Variants in LRP1B observed in about 807,000 individuals in gnomAD.
LRP1B encodes low-density lipoprotein receptor-related protein 1B.
LRP1B carries 217 observed loss-of-function variants against 556.6 expected under a neutral mutation model. The ratio of observed to expected loss-of-function variants is 0.39; its 90% CI spans 0.35 to 0.44. The LOEUF (loss-of-function observed/expected upper bound fraction) is 0.44, where lower values mean the gene tolerates loss of function less well. Ranked by LOEUF, LRP1B falls within the 20% of genes least tolerant of loss-of-function variation. The probability of loss-of-function intolerance (pLI) is 1.00; values close to 1 mark genes in which losing one functional copy is unlikely to be tolerated. For synonymous variants in LRP1B, 2,047 were observed against 1,865.8 expected (o/e 1.10, Z -2.50); for missense variants, 5,053 against 5,620.8 (o/e 0.90, Z 3.23).
At chr2:140,547,307 A>C (rs901368288) in intron 43 of LRP1B, among the ~76,000 whole-genome samples, 1 of 151,940 alleles carries the variant, frequency 6.6e-6, no homozygotes, top group Non-Finnish European at 1.5e-5. Context: ...TTGGTGGGCT[A>C]TTTATTACTT....
chr2:140,774,321 A>T (rs555859592), intron 33 of LRP1B, among the ~76,000 whole-genome samples: 1 of 152,286 alleles, frequency 6.6e-6, no homozygotes, highest in Non-Finnish European at 1.5e-5. Flanking sequence ...TTCACAGAGC[A>T]TAGAACACCC....
chr2:141,713,812 T>C (rs978544171), intron 2 of LRP1B, among the ~76,000 whole-genome samples: 1 of 152,212 alleles, frequency 6.6e-6, no homozygotes, highest in Non-Finnish European at 1.5e-5. Context: ...TTACCTCAAG[T>C]ATTTGTTTCA....
intron 31 of LRP1B, among the ~76,000 whole-genome samples, chr2:140,818,164 CAG>C (rs1406587828): frequency 2.0e-5 from 3 of 152,030 alleles, no homozygotes; most frequent in East Asian, 1.9e-4. Flanking sequence ...CTTTTGGAGA[CAG>C]GGGAATGGTA....
intron 2 of LRP1B, among the ~76,000 whole-genome samples, chr2:141,588,156 T>C (rs1687205988): frequency 6.6e-6 from 1 of 152,228 alleles, no homozygotes; most frequent in Admixed American, 6.5e-5. Context: ...ATATATACTC[T>C]TGTCCAAACA....
chr2:140,549,784 G>A lies in LRP1B; in HGVS notation c.7195-7813C>T, dbSNP rs541091626. 3.1e-4 allele frequency among the ~76,000 whole-genome samples: 47 copies of A among 152,124 alleles called. No homozygotes were observed. In the South Asian group the frequency reaches 9.1e-3, roughly 30 times the overall value. The stretch of plus-strand genomic sequence containing the variant: ...CAAATTCACACAGAGATCATGGGGA[G>A]ATGGTGGCGGCCTTGCATTAGCTCT... On this transcript the variant is annotated intron_variant, in intron 43 of 90. Transcript: ENST00000389484.
chr2:141,992,348 G>A (rs188718577), intron 1 of LRP1B, among the ~76,000 whole-genome samples: 2 of 152,180 alleles, frequency 1.3e-5, no homozygotes, highest in Admixed American at 1.3e-4. Flanking sequence ...ACTTAATGAA[G>A]AGGAAAGCAA....
intron 7 of LRP1B, among the ~76,000 whole-genome samples, chr2:141,088,904 C>G (rs747187474): frequency 1.3e-5 from 2 of 151,978 alleles, no homozygotes; most frequent in African/African-American, 2.4e-5. Flanking sequence ...GATGCATAGC[C>G]CTCTGAGATA....
chr2:140,862,122 TTAAA>T (rs779170455), intron 27 of LRP1B, among the ~76,000 whole-genome samples: 1 of 152,200 alleles, frequency 6.6e-6, no homozygotes, highest in Non-Finnish European at 1.5e-5. Context: ...CTTTTTAGCC[TTAAA>T]TATTCAACTG....
At chr2:140,323,859 C>A in intron 81 of LRP1B, 34 bp downstream of exon 81, 1 of 1,036,482 alleles carries the variant, frequency 9.6e-7, no homozygotes, top group Non-Finnish European at 1.4e-6. Context: ...AATAATTTAC[C>A]AATATAGACA....
At chr2:141,423,290 C>CCTTTTTTTT (rs1321976263) in intron 3 of LRP1B, among the ~76,000 whole-genome samples, 1 of 68,376 alleles carries the variant, frequency 1.5e-5, no homozygotes, top group African/African-American at 5.2e-5. Context: ...ACAGCCAGAG[C>CCTTTTTTTT]TTTTTTTTTT....
At chr2:141,330,784 G>A (rs1271469796) in intron 3 of LRP1B, among the ~76,000 whole-genome samples, 4 of 127,002 alleles carry the variant, frequency 3.1e-5, no homozygotes, top group Non-Finnish European at 4.7e-5. Flanking sequence ...ACAGAGTCTC[G>A]CTCCGTCGCC....
At chr2:140,299,688 G>A (rs985860779) in intron 83 of LRP1B, among the ~76,000 whole-genome samples, 1 of 152,008 alleles carries the variant, frequency 6.6e-6, no homozygotes, top group African/African-American at 2.4e-5. Flanking sequence ...AGTAAATGAA[G>A]AGGTTAATAA....
intron 2 of LRP1B, among the ~76,000 whole-genome samples, chr2:141,603,931 C>A (rs1240837410): frequency 6.6e-6 from 1 of 152,192 alleles, no homozygotes; most frequent in South Asian, 2.1e-4. Flanking sequence ...TTCTAAGACC[C>A]AGTTTTGTAA....
intron 3 of LRP1B, among the ~76,000 whole-genome samples, chr2:141,290,195 T>C (rs1360822261): frequency 6.6e-6 from 1 of 152,102 alleles, no homozygotes; most frequent in Non-Finnish European, 1.5e-5. Context: ...TCCTCTATAT[T>C]TAAAGAGCAA....
At chr2:141,788,429 T>C (rs149714887) in intron 2 of LRP1B, among the ~76,000 whole-genome samples, 6 of 152,208 alleles carry the variant, frequency 3.9e-5, no homozygotes, top group African/African-American at 1.4e-4. Context: ...TTCTATGATA[T>C]TATTAGAAGC....
At chr2:141,662,399 A>G (rs549396499) in intron 2 of LRP1B, among the ~76,000 whole-genome samples, 12 of 152,340 alleles carry the variant, frequency 7.9e-5, no homozygotes, top group African/African-American at 2.6e-4. Flanking sequence ...CTGCATAAAG[A>G]GTCAAGACCC....
At chr2:140,790,578 C>T (rs1690079903) in intron 32 of LRP1B, among the ~76,000 whole-genome samples, 2 of 152,104 alleles carry the variant, frequency 1.3e-5, no homozygotes. Flanking sequence ...TTGTACTGCT[C>T]CTTCTATGTC....
chr2:141,136,101 T>C (rs1701485390), intron 7 of LRP1B, among the ~76,000 whole-genome samples: 1 of 151,914 alleles, frequency 6.6e-6, no homozygotes, highest in Non-Finnish European at 1.5e-5. Context: ...AATTAGAACA[T>C]ATTAAAGCAT....
chr2:141,406,714 G>A (rs1485326534), intron 3 of LRP1B, among the ~76,000 whole-genome samples: 2 of 151,884 alleles, frequency 1.3e-5, no homozygotes, highest in African/African-American at 4.8e-5. Context: ...TAAATTATTT[G>A]CTTGGAATCA....
Sources: allele counts gnomAD v4.1 joint callset (sites outside exome capture counted in the v4.1 genomes callset), GRCh38; gene constraint gnomAD v4.1.1; transcripts MANE v1.5; gene names NCBI Gene and HGNC (gene_info 2026-07-23, HGNC 2026-07-21).